SYT9: variants seen among roughly 807,000 people sequenced by gnomAD.
The protein encoded by SYT9 is synaptotagmin 9, also known as synaptotagmin-9.
In SYT9, 22 loss-of-function variants were observed where a neutral mutation model predicts 48.4. That is an observed-to-expected ratio of 0.45 (90% CI 0.32 to 0.65). The LOEUF (loss-of-function observed/expected upper bound fraction) is 0.65, where lower values mean the gene tolerates loss of function less well. Ranked by LOEUF, SYT9 falls within the 30% of genes least tolerant of loss-of-function variation. SYT9 has a pLI of 0.03. For synonymous variants in SYT9, 265 were observed against 245.0 expected (o/e 1.08, Z -0.76); for missense variants, 577 against 622.0 (o/e 0.93, Z 0.77).
intron 3 of SYT9, among the ~76,000 whole-genome samples, chr11:7,415,133 C>T (rs1430731182): frequency 6.6e-6 from 1 of 152,058 alleles, no homozygotes; most frequent in Non-Finnish European, 1.5e-5. Flanking sequence ...GGCACGCCAG[C>T]AAAAGAAAAG....
intron 1 of SYT9, among the ~76,000 whole-genome samples, chr11:7,256,020 C>G (rs1847962535): frequency 6.6e-6 from 1 of 152,064 alleles, no homozygotes; most frequent in Non-Finnish European, 1.5e-5. Flanking sequence ...CTTGATTATA[C>G]TTTTTTTGGT....
At chr11:7,376,486 G>A (rs1338082995) in intron 3 of SYT9, among the ~76,000 whole-genome samples, 2 of 151,776 alleles carry the variant, frequency 1.3e-5, no homozygotes, top group African/African-American at 4.8e-5. Context: ...CAATGCCTTT[G>A]TGGAAAGAAG....
At chr11:7,245,496 A>G (rs1847782074) in intron 1 of SYT9, among the ~76,000 whole-genome samples, 1 of 150,860 alleles carries the variant, frequency 6.6e-6, no homozygotes, top group African/African-American at 2.4e-5. Flanking sequence ...TTTTTTCGTC[A>G]GCATATAAAC....
chr11:7,281,069 C>T (rs1386309992), intron 1 of SYT9, among the ~76,000 whole-genome samples: 1 of 152,210 alleles, frequency 6.6e-6, no homozygotes, highest in African/African-American at 2.4e-5. Context: ...TAATTCACTA[C>T]TGAATGGGCA....
intron 3 of SYT9, among the ~76,000 whole-genome samples, chr11:7,322,609 C>T (rs929017746): frequency 1.3e-5 from 2 of 152,150 alleles, no homozygotes; most frequent in Non-Finnish European, 2.9e-5. Flanking sequence ...CTACAGGTCT[C>T]TGACGAAGAG....
At chr11:7,398,957 C>T (rs1413150665) in intron 3 of SYT9, among the ~76,000 whole-genome samples, 1 of 50,170 alleles carries the variant, frequency 2.0e-5, no homozygotes, top group East Asian at 5.4e-4. Flanking sequence ...GCTAGACACA[C>T]CAAACAGCAG....
At chr11:7,246,816 C>G (rs1439161417) in intron 1 of SYT9, among the ~76,000 whole-genome samples, 14 of 152,190 alleles carry the variant, frequency 9.2e-5, no homozygotes, top group Admixed American at 9.2e-4. Flanking sequence ...GGTCCAAGTT[C>G]GAGAGGTCCA....
At chr11:7,264,363 T>C (rs1481375043) in intron 1 of SYT9, among the ~76,000 whole-genome samples, 2 of 152,134 alleles carry the variant, frequency 1.3e-5, no homozygotes, top group African/African-American at 4.8e-5. Context: ...GTTTCTTCCA[T>C]GTTCAGCTCT....
chr11:7,408,977 GC>G (rs1397496992), intron 3 of SYT9, among the ~76,000 whole-genome samples: 1 of 152,118 alleles, frequency 6.6e-6, no homozygotes, highest in Non-Finnish European at 1.5e-5. Flanking sequence ...GAGAAGAAAG[GC>G]TTTCATCTTT....
chr11:7,387,703 C>G (rs370940370), intron 3 of SYT9, among the ~76,000 whole-genome samples: 2 of 152,110 alleles, frequency 1.3e-5, no homozygotes, highest in Non-Finnish European at 2.9e-5. Flanking sequence ...TTTAGATGCT[C>G]TCTTTAAGAA....
intron 6 of SYT9, chr11:7,439,359 G>A (rs1473562904): frequency 1.3e-5 from 2 of 152,246 alleles, no homozygotes; most frequent in African/African-American, 4.8e-5. Flanking sequence ...TGAGGAAAGT[G>A]TCAGAGCCAA....
At chr11:7,318,695 G>C (rs576786866) in intron 3 of SYT9, among the ~76,000 whole-genome samples, 100 of 152,192 alleles carry the variant, frequency 6.6e-4, no homozygotes, top group Non-Finnish European at 1.1e-3. Flanking sequence ...TTTATCACAC[G>C]TAATTGTTTT....
intron 3 of SYT9, among the ~76,000 whole-genome samples, chr11:7,341,436 G>A (rs1269333431): frequency 6.6e-6 from 1 of 152,134 alleles, no homozygotes; most frequent in African/African-American, 2.4e-5. Context: ...TCTCATGATA[G>A]TGAATAAGTC....
At chr11:7,329,264 T>C (rs1269741131) in intron 3 of SYT9, among the ~76,000 whole-genome samples, 1 of 152,232 alleles carries the variant, frequency 6.6e-6, no homozygotes. Flanking sequence ...TCTTTACATC[T>C]GTTTTTGAGT....
At chr11:7,247,562 C>CGT (rs1382942541), upstream of SYT9, among the ~76,000 whole-genome samples, 6 of 137,360 alleles carry the variant, frequency 4.4e-5, no homozygotes, top group African/African-American at 8.3e-5. Context: ...TGTATATACA[C>CGT]ATATATACAC....
intron 3 of SYT9, among the ~76,000 whole-genome samples, chr11:7,349,586 G>C (rs1849872455): frequency 6.6e-6 from 1 of 152,166 alleles, no homozygotes; most frequent in Non-Finnish European, 1.5e-5. Flanking sequence ...CAAGGGCTGG[G>C]TTTCCCTCAG....
chr11:7,277,720 G>T (rs1848423751), intron 1 of SYT9, among the ~76,000 whole-genome samples: 1 of 152,198 alleles, frequency 6.6e-6, no homozygotes, highest in South Asian at 2.1e-4. Flanking sequence ...TGTAGGATCT[G>T]AATTTTCACT....
Position 7,303,400 on chromosome 11 carries a change from G to C in SYT9, c.497+10G>C, listed in dbSNP as rs988616737. The C allele has an allele frequency of 6.3e-7, 1 of 1,591,428 alleles. No homozygotes were observed. Among genetic ancestry groups the C allele is most frequent in the African/African-American group, 1.3e-5 (1 of 74,524 alleles). The stretch of plus-strand genomic sequence containing the variant: ...CAACCTCGTCGGCCCGGTCAGTAAT[G>C]CCTTCTCCTTTCTGAATGCAAGGAA... On this transcript the variant is annotated intron_variant, in intron 2 of 6. Transcript: ENST00000318881.
At chr11:7,256,933 T>G (rs1008409713) in intron 1 of SYT9, among the ~76,000 whole-genome samples, 2 of 152,126 alleles carry the variant, frequency 1.3e-5, no homozygotes, top group African/African-American at 4.8e-5. Context: ...TAGGTCATGG[T>G]TTTCAACTTT....
Sources: gnomAD v4.1 joint callset for allele counts (sites outside exome capture counted in the v4.1 genomes callset) on GRCh38, gnomAD v4.1.1 for gene constraint, MANE v1.5 for transcripts, NCBI Gene and HGNC (gene_info 2026-07-23, HGNC 2026-07-21) for gene names.